ACRBP: variants seen among roughly 807,000 people sequenced by gnomAD.
ACRBP encodes acrosin-binding protein.
In ACRBP, 52 loss-of-function variants were observed where a neutral mutation model predicts 69.0. That is an observed-to-expected ratio of 0.75 (90% CI 0.60 to 0.95). The LOEUF is 0.95. Among genes scored for constraint, ACRBP ranks in the 40% least tolerant of loss-of-function variants. The pLI, the probability that ACRBP is intolerant of heterozygous loss-of-function variation, is 0.00. For synonymous variants in ACRBP, 267 were observed against 258.9 expected (o/e 1.03, Z -0.30); for missense variants, 604 against 673.0 (o/e 0.90, Z 1.13).
At chr12:6,641,120 A>G (rs1201597870) in intron 6 of ACRBP, among the ~76,000 whole-genome samples, 2 of 152,234 alleles carry the variant, frequency 1.3e-5, no homozygotes, top group East Asian at 3.8e-4. Context: ...AAGCTGGGAC[A>G]TGGGTCCAGG....
Position 6,644,380 on chromosome 12 carries a change from T to C in ACRBP, c.701A>G (p.Glu234Gly), listed in dbSNP as rs1370523310. Residue 234 changes from glutamate to glycine, a missense_variant, in exon 5 of 10, where the codon GAA (glutamate) becomes GGA (glycine). Physicochemically the swap from Glu to Gly is moderately conservative, Grantham distance 98. This residue lies in a region of ACRBP where 532 missense variants were observed against 562.9 expected (regional missense o/e 0.95). Coordinates refer to ENST00000229243, the MANE Select transcript of ACRBP (RefSeq NM_032489.3). ...EEQEEEGKQEEGQGTKEGREA... is the reference protein window; with the variant it reads ...EEQEEEGKQEGGQGTKEGREA... ...CCGTCCCTCCTTAGTCCCCTGTCCT[T>C]CTTCCTGCTTTCCCTCCTCTTCCTG... The C allele has an allele frequency of 1.1e-5, 18 of 1,613,854 alleles. No homozygotes were observed. The highest frequency in any genetic ancestry group is 1.4e-5 in the Non-Finnish European group (17 of 1,179,956).
At chr12:6,644,702 C>G (rs1949076033) in intron 4 of ACRBP, 97 bp from the exon 5 acceptor site, 2 of 1,488,450 alleles carry the variant, frequency 1.3e-6, no homozygotes, top group Admixed American at 4.9e-5. Context: ...ACAAAGCAGA[C>G]CAAGTCACAC....
intron 6 of ACRBP, among the ~76,000 whole-genome samples, chr12:6,641,176 G>C (rs901396882): frequency 1.3e-5 from 2 of 152,200 alleles, no homozygotes; most frequent in Non-Finnish European, 2.9e-5. Context: ...ACCTGGGTTG[G>C]AAACCTCCAA....
At position 6,640,389 on chromosome 12, in the gene ACRBP, A is replaced by G; in HGVS notation, c.1211T>C (p.Phe404Ser). ...CTGGGAGGCAAGCAAGGGGCTGACA[A>G]AGGGAGTCTTGTGGGAGGTGTCGCA... is the stretch of plus-strand genomic sequence containing the variant. ...QQCDTSHKTP[F>S]VSPLLASQSL... The change falls in exon 7 of 10, where the codon TTT becomes TCT. Residue 404 changes from phenylalanine (F) to serine (S), a missense_variant. Transcript: ENST00000229243. The surrounding 1 kb of genome is among the most constrained non-coding windows in gnomAD (Gnocchi z 5.3). 1.2e-6 allele frequency: 2 copies of G among 1,614,134 alleles called. No homozygotes were observed. Among genetic ancestry groups the G allele is most frequent in the Non-Finnish European group, 1.7e-6 (2 of 1,180,032 alleles).
intron 1 of ACRBP, 115 bp from the exon 2 acceptor site, chr12:6,647,127 AC>A: frequency 8.8e-7 from 1 of 1,137,132 alleles, no homozygotes; most frequent in Non-Finnish European, 1.3e-6. Context: ...ATCCCTGCTG[AC>A]CAGGGCGGGG....
chr12:6,646,446 C>G, intron 3 of ACRBP, 37 bp downstream of exon 3: 1 of 1,593,624 alleles, frequency 6.3e-7, no homozygotes, highest in Non-Finnish European at 8.6e-7. Context: ...TCCCTTGGCC[C>G]TGGGGCACCA....
At chr12:6,645,620 C>T (rs975003536) in intron 3 of ACRBP, among the ~76,000 whole-genome samples, 4 of 151,954 alleles carry the variant, frequency 2.6e-5, no homozygotes, top group Admixed American at 6.6e-5. Flanking sequence ...TCTTCCCATC[C>T]CTCTTCCCTA....
Position 6,638,329 on chromosome 12 carries a change from G to C in ACRBP, c.1585C>G (p.Arg529Gly). 1 of 1,614,140 alleles carries C rather than the reference G, an allele frequency of 6.2e-7. No homozygotes were observed. Among genetic ancestry groups the C allele is most frequent in the South Asian group, 1.1e-5 (1 of 91,082 alleles). The change falls in exon 10 of 10, where the codon CGA becomes GGA. Residue 529 changes from arginine to glycine, a missense_variant. This residue lies in a region of ACRBP where 51 missense variants were observed against 60.1 expected (regional missense o/e 0.85). Coordinates refer to ENST00000229243, the MANE Select transcript of ACRBP (RefSeq NM_032489.3). ...AAGGTGCTGAACTCCTGGCTCCATCGAAGCACAACGTCCTCACTTTTGCCA... is the reference window on the plus strand; with the variant it reads ...AAGGTGCTGAACTCCTGGCTCCATCCAAGCACAACGTCCTCACTTTTGCCA... ...SPGKSEDVVL[R>G]WSQEFSTLTL...
chr12:6,644,433 C>T lies in ACRBP; in HGVS notation c.648G>A (p.Gly216=). The change falls in exon 5 of 10, where the codon GGG becomes GGA. Residue 216 remains glycine, a synonymous_variant. Transcript: ENST00000229243. Reference sequence around the variant, plus strand: ...CCTCTTCTTGCTCTTCCTGTTTCTGCCCCTCTTCCTGCTTGTGTTCTTGTG... The same window carrying T: ...CCTCTTCTTGCTCTTCCTGTTTCTGTCCCTCTTCCTGCTTGTGTTCTTGTG... ...EPTQEHKQEE[G]QKQEEQEEEQ... 1.2e-6 allele frequency: 2 copies of T among 1,614,092 alleles called. No homozygotes were observed. The highest frequency in any genetic ancestry group is 1.7e-6 in the Non-Finnish European group (2 of 1,180,016).
chr12:6,645,043 G>A (rs1413153330), intron 4 of ACRBP, among the ~76,000 whole-genome samples, 177 bp downstream of exon 4: 1 of 152,230 alleles, frequency 6.6e-6, no homozygotes, highest in Non-Finnish European at 1.5e-5. Flanking sequence ...TTCTGGTCCA[G>A]GAGAGCCCTA....
intron 1 of ACRBP, 95 bp downstream of exon 1, chr12:6,647,229 A>G: frequency 8.5e-6 from 12 of 1,412,036 alleles, no homozygotes; most frequent in Non-Finnish European, 1.2e-5. Context: ...CGCGACCACC[A>G]TGAGGAAGCG....
intron 9 of ACRBP, 144 bp from the exon 10 acceptor site, chr12:6,638,548 G>T: frequency 7.6e-7 from 1 of 1,307,366 alleles, no homozygotes; most frequent in Non-Finnish European, 1.1e-6. Context: ...AAACTCAAAT[G>T]TGGGTTTTTA....
chr12:6,645,111 C>A (rs577802329), intron 4 of ACRBP, 109 bp downstream of exon 4: 6 of 857,834 alleles, frequency 7.0e-6, no homozygotes, highest in Non-Finnish European at 1.1e-5. Flanking sequence ...GCTGGCGCCC[C>A]CTTCCCGCCC....
chr12:6,647,367 G>A lies in ACRBP; in HGVS notation c.-1C>T, dbSNP rs1366491274. On this transcript the variant is annotated 5_prime_UTR_variant, in exon 1 of 10. Transcript: ENST00000229243. ...GGAAGCCAGCGGCTGGCTTCCTCAT[G>A]GCCGGAGAAGATCCGCCCGCGTCCC... The A allele has an allele frequency of 1.3e-6, 2 of 1,536,678 alleles. No individual in the cohort carries two copies. The highest frequency in any genetic ancestry group is 1.2e-5 in the South Asian group (1 of 83,272).
In ACRBP at chr12:6,640,210, T is replaced by C. The variant is rs572932109; in HGVS notation, c.1275A>G (p.Ser425=). The part of the protein sequence containing the change: ...SIGNQVGSPE[S]GRFYGLDLYG... ...ACAAATCCAGCCCGTAAAAGCGGCC[T>C]GATTCTGGGGACCCTACCTGTGGCA... Residue 425 remains serine (S), a synonymous_variant, in exon 8 of 10, where the codon TCA becomes TCG. Coordinates refer to ENST00000229243, the MANE Select transcript of ACRBP (RefSeq NM_032489.3). This position sits in a 1 kb window ranked among gnomAD's most constrained non-coding sequence, Gnocchi z 5.3. The C allele has an allele frequency of 1.2e-6, 2 of 1,614,166 alleles. No homozygotes were observed. Among genetic ancestry groups the C allele is most frequent in the Non-Finnish European group, 1.7e-6 (2 of 1,180,038 alleles).
chr12:6,645,375 A>G (rs1390584528), intron 3 of ACRBP, 38 bp from the exon 4 acceptor site: 1 of 1,491,178 alleles, frequency 6.7e-7, no homozygotes, highest in Admixed American at 1.7e-5. Flanking sequence ...GCCTTTCCTA[A>G]AGGGCAGACT....
chr12:6,642,563 T>C (rs979571632), intron 6 of ACRBP, among the ~76,000 whole-genome samples: 2 of 152,078 alleles, frequency 1.3e-5, no homozygotes, highest in Non-Finnish European at 2.9e-5. Context: ...TCACAGAAAA[T>C]CTGTTTCTGG....
chr12:6,646,601 A>G (rs750950760), intron 2 of ACRBP, 24 bp from the exon 3 acceptor site: 1 of 1,607,854 alleles, frequency 6.2e-7, no homozygotes, highest in East Asian at 2.2e-5. Flanking sequence ...GGGGTGGAGA[A>G]GATGAACCCG....
At chr12:6,641,337 C>A (rs144799162) in intron 6 of ACRBP, among the ~76,000 whole-genome samples, 2 of 152,358 alleles carry the variant, frequency 1.3e-5, no homozygotes, top group African/African-American at 4.8e-5. Context: ...CAGCCTGTCA[C>A]AGTGCATGCA....
Sources: allele counts gnomAD v4.1 joint callset (sites outside exome capture counted in the v4.1 genomes callset), GRCh38; gene constraint gnomAD v4.1.1; regional missense constraint gnomAD v4.1.1; non-coding constraint Gnocchi (gnomAD v3.1); transcripts MANE v1.5; gene names NCBI Gene and HGNC (gene_info 2026-07-23, HGNC 2026-07-21).